ARL14EPL: variants seen among roughly 807,000 people sequenced by gnomAD.
ARL14EPL encodes the protein ARF like GTPase 14 effector protein like.
Under a neutral mutation model 15.9 loss-of-function variants are expected in ARL14EPL, and 17 were observed. The observed-to-expected ratio is 1.07, with a 90% CI of 0.73 to 1.60. ARL14EPL has a LOEUF of 1.60. Among genes scored for constraint, ARL14EPL ranks in the 40% most tolerant of loss-of-function variants. The pLI is 0.00. For missense variants in ARL14EPL, 214 were observed against 185.9 expected, an observed-to-expected ratio of 1.15 and a Z score of -0.88; for synonymous variants, 78 against 63.8, an observed-to-expected ratio of 1.22 and a Z score of -1.06.
Position 116,056,254 on chromosome 5 carries a change from T to A in ARL14EPL, c.236+2101T>A, listed in dbSNP as rs572142941. ...TTCCACAAGGGTTGAAGTAGTTTACTGTCCCACCAACAGTGTAAAAGTGTT... is the reference window on the plus strand; with the variant it reads ...TTCCACAAGGGTTGAAGTAGTTTACAGTCCCACCAACAGTGTAAAAGTGTT... On this transcript the variant is annotated intron_variant, in intron 3 of 3. Coordinates refer to ENST00000686077, the MANE Select transcript of ARL14EPL (RefSeq NM_001195581.2). 4.5e-3 allele frequency among the ~76,000 whole-genome samples: 680 copies of A among 151,282 alleles called. 7 individuals carry two copies. The highest frequency in any genetic ancestry group is 0.016 in the African/African-American group (644 of 40,612).
chr5:116,053,606 T>C (rs1355101), intron 2 of ARL14EPL, among the ~76,000 whole-genome samples: 101,788 of 151,704 alleles, frequency 0.67, 35,488 homozygotes, highest in Non-Finnish European at 0.79. Context: ...GTTCTCACTG[T>C]GGTTTGAGAC....
chr5:116,051,448 C>G lies in ARL14EPL; in HGVS notation c.-9-9C>G. On this transcript the variant is annotated splice_polypyrimidine_tract_variant and intron_variant, in intron 1 of 3. Coordinates refer to ENST00000686077, the MANE Select transcript of ARL14EPL (RefSeq NM_001195581.2). ...TAATATGTTTTACTTTTTCCAATTA[C>G]TTTTTAAGTGATCAGAGATGAATGA... The G allele has an allele frequency of 6.7e-7, 1 of 1,491,840 alleles. No individual in the cohort carries two copies. The highest frequency in any genetic ancestry group is 9.0e-7 in the Non-Finnish European group (1 of 1,108,864). The allele number at this position is 1,491,840 out of a possible 1,614,324, so 92.4% of individuals were successfully genotyped here.
At chr5:116,052,209 C>T (rs968396709) in intron 2 of ARL14EPL, 105 of 1,606,112 alleles carry the variant, frequency 6.5e-5, no homozygotes, top group African/African-American at 5.6e-4. Flanking sequence ...GCCTTGCCCC[C>T]GGATTTGTTC....
chr5:116,040,814 CAA>C (rs58840428), intron 1 of ARL14EPL, among the ~76,000 whole-genome samples: 13,105 of 106,380 alleles, frequency 0.12, 806 homozygotes, highest in African/African-American at 0.19. Flanking sequence ...ACTAAAAATA[CAA>C]AAAAAAAAAA....
intron 2 of ARL14EPL, 140 bp from the exon 3 acceptor site, chr5:116,053,874 T>C: frequency 1.6e-6 from 1 of 644,108 alleles, no homozygotes; most frequent in African/African-American, 1.8e-5. Flanking sequence ...CTTAATTAGA[T>C]TAAATCGTTT....
intron 3 of ARL14EPL, among the ~76,000 whole-genome samples, chr5:116,054,662 T>C (rs1749472445): frequency 6.6e-6 from 1 of 152,204 alleles, no homozygotes; most frequent in African/African-American, 2.4e-5. Context: ...AAACCCCGTC[T>C]CTACTAAAAA....
intron 1 of ARL14EPL, among the ~76,000 whole-genome samples, chr5:116,037,134 C>G (rs1230680097): frequency 6.6e-6 from 1 of 152,150 alleles, no homozygotes; most frequent in East Asian, 1.9e-4. Context: ...GGTGGAGCTA[C>G]TCTGGGACAA....
chr5:116,052,098 T>G (rs1402950233), intron 2 of ARL14EPL: 2 of 1,613,294 alleles, frequency 1.2e-6, no homozygotes, highest in Non-Finnish European at 1.7e-6. Context: ...AGTTTATAGT[T>G]GGGAACTTCC....
At chr5:116,053,532 C>T (rs908326544) in intron 2 of ARL14EPL, among the ~76,000 whole-genome samples, 9 of 152,124 alleles carry the variant, frequency 5.9e-5, no homozygotes, top group East Asian at 3.9e-4. Flanking sequence ...AGGCCAGTCC[C>T]GGGTAGGGAG....
At chr5:116,040,646 T>C (rs10478269) in intron 1 of ARL14EPL, among the ~76,000 whole-genome samples, 57,355 of 150,744 alleles carry the variant, frequency 0.38, 11,146 homozygotes, top group African/African-American at 0.42. Context: ...ATTCTTTTAA[T>C]ATAAAACAAT....
intron 1 of ARL14EPL, among the ~76,000 whole-genome samples, chr5:116,039,139 G>A (rs546504560): frequency 6.6e-6 from 1 of 152,258 alleles, no homozygotes; most frequent in Non-Finnish European, 1.5e-5. Context: ...ACCCCAGGAG[G>A]GAGTGTAAGC....
chr5:116,047,515 A>C (rs1749295666), intron 1 of ARL14EPL, among the ~76,000 whole-genome samples: 1 of 152,222 alleles, frequency 6.6e-6, no homozygotes, highest in Non-Finnish European at 1.5e-5. Context: ...AATACAGAAA[A>C]TTGTACTGCT....
In ARL14EPL at chr5:116,047,923, G is replaced by A. The variant is rs149884925; in HGVS notation, c.-9-3534G>A. ...AAGAGAATGGGGCTGAGAGATAAGA[G>A]GGCAGAAGACAGAGAGAAAGTTTTG... On this transcript the variant is annotated intron_variant, in intron 1 of 3. Coordinates refer to ENST00000686077, the MANE Select transcript of ARL14EPL (RefSeq NM_001195581.2). 4.3e-3 allele frequency among the ~76,000 whole-genome samples: 662 copies of A among 152,292 alleles called. 9 individuals are homozygous for A. The highest frequency in any genetic ancestry group is 0.014 in the African/African-American group (602 of 41,568).
At chr5:116,048,100 G>T (rs903337017) in intron 1 of ARL14EPL, among the ~76,000 whole-genome samples, 16 of 152,280 alleles carry the variant, frequency 1.1e-4, no homozygotes, top group African/African-American at 3.8e-4. Context: ...TCCATCTTCA[G>T]ATCACACTTT....
At chr5:116,035,105 G>T (rs1045496132) in intron 1 of ARL14EPL, among the ~76,000 whole-genome samples, 1 of 152,146 alleles carries the variant, frequency 6.6e-6, no homozygotes, top group African/African-American at 2.4e-5. Context: ...AACTTGCATT[G>T]TAATGATATA....
intron 3 of ARL14EPL, among the ~76,000 whole-genome samples, chr5:116,055,781 A>T (rs941551384): frequency 1.3e-5 from 2 of 152,050 alleles, no homozygotes; most frequent in Admixed American, 6.6e-5. Flanking sequence ...ATGTCTCCTA[A>T]TGCTATCCCT....
In ARL14EPL at chr5:116,059,029, TG is replaced by T; in HGVS notation, c.*87del. 7.5e-7 allele frequency: 1 copy of T among 1,341,908 alleles called. No individual in the cohort carries two copies. Among genetic ancestry groups the T allele is most frequent in the Non-Finnish European group, 1.0e-6 (1 of 977,538 alleles). 83.1% of individuals were successfully genotyped at this position (1,341,908 alleles called of 1,614,324 possible). A position where few individuals can be genotyped will look rare whatever the true frequency, so the allele number is the denominator to read the frequency against. ...TTTCTTTTGGGTGAATTTTAGGGCT[TG>T]GGGGAAATATCGAAAAAACATACTG... On this transcript the variant is annotated 3_prime_UTR_variant, in exon 4 of 4. Coordinates refer to ENST00000686077, the MANE Select transcript of ARL14EPL (RefSeq NM_001195581.2).
chr5:116,034,758 T>C (rs949817423), intron 1 of ARL14EPL, among the ~76,000 whole-genome samples: 2 of 152,134 alleles, frequency 1.3e-5, no homozygotes, highest in Non-Finnish European at 1.5e-5. Flanking sequence ...GTGTGTCCAG[T>C]AGGCTTCAGT....
chr5:116,034,718 G>T (rs1419197714), intron 1 of ARL14EPL, among the ~76,000 whole-genome samples: 2 of 152,096 alleles, frequency 1.3e-5, no homozygotes, highest in Non-Finnish European at 2.9e-5. Flanking sequence ...TATATGCCTT[G>T]TCTCAGCCTC....
Sources: gnomAD v4.1 joint callset for allele counts (sites outside exome capture counted in the v4.1 genomes callset) on GRCh38, gnomAD v4.1.1 for gene constraint, MANE v1.5 for transcripts, NCBI Gene and HGNC (gene_info 2026-07-23, HGNC 2026-07-21) for gene names.